KIAA1328: variants seen among roughly 807,000 people sequenced by gnomAD.
KIAA1328 encodes protein hinderin.
KIAA1328 carries 52 observed loss-of-function variants against 68.1 expected under a neutral mutation model. That is an observed-to-expected ratio of 0.76 (90% CI 0.61 to 0.96). KIAA1328 has a LOEUF of 0.96. Ranked by LOEUF, KIAA1328 falls within the 40% of genes least tolerant of loss-of-function variation. The probability of loss-of-function intolerance (pLI) is 0.00; values close to 1 mark genes in which losing one functional copy is unlikely to be tolerated. For synonymous variants in KIAA1328, 232 were observed against 239.4 expected (o/e 0.97, Z 0.28); for missense variants, 641 against 677.6 (o/e 0.95, Z 0.60).
Position 37,223,173 on chromosome 18 carries a change from C to G in KIAA1328, c.*946C>G. ...AGCTGATGGGCTTCCTCTGGCCCTC[C>G]CTTTTCCTCCACGAGGATTAAAGGA... On this transcript the variant is annotated 3_prime_UTR_variant, in exon 10 of 10. Transcript: ENST00000280020. 1.0e-6 allele frequency: 1 copy of G among 984,856 alleles called. No individual in the cohort carries two copies. The allele number at this position is 984,856 out of a possible 1,614,324, so 61.0% of individuals were successfully genotyped here.
chr18:37,134,773 G>T (rs187847406), intron 7 of KIAA1328, among the ~76,000 whole-genome samples: 7 of 152,256 alleles, frequency 4.6e-5, no homozygotes. Context: ...ATCTTGTGAT[G>T]CTGAGGTTTG....
intron 9 of KIAA1328, among the ~76,000 whole-genome samples, chr18:37,200,742 C>T (rs1367647280): frequency 1.3e-5 from 2 of 148,154 alleles, no homozygotes; most frequent in Non-Finnish European, 1.5e-5. Context: ...ACCCGGGAAG[C>T]GGAGCTTGCA....
intron 7 of KIAA1328, among the ~76,000 whole-genome samples, chr18:37,117,644 T>TA (rs909165653): frequency 5.9e-5 from 9 of 151,396 alleles, no homozygotes; most frequent in Admixed American, 2.6e-4. Flanking sequence ...AAGTATTATT[T>TA]AAAAAAAAAT....
intron 6 of KIAA1328, among the ~76,000 whole-genome samples, chr18:37,015,675 T>C (rs527901906): frequency 1.1e-4 from 16 of 152,324 alleles, no homozygotes; most frequent in African/African-American, 3.8e-4. Context: ...GTGATTTCTT[T>C]CTGCAGTGTT....
intron 1 of KIAA1328, among the ~76,000 whole-genome samples, chr18:36,830,334 G>T (rs556567954): frequency 6.6e-6 from 1 of 152,338 alleles, no homozygotes; most frequent in Non-Finnish European, 1.5e-5. Context: ...ATGAAATCAT[G>T]TACATACACT....
chr18:36,845,017 T>A (rs2046980614), intron 4 of KIAA1328, among the ~76,000 whole-genome samples: 3 of 151,830 alleles, frequency 2.0e-5, no homozygotes, highest in South Asian at 4.1e-4. Context: ...ATATTAGGTA[T>A]GTTTTGAACA....
chr18:36,984,624 CTG>C (rs2052833463), intron 6 of KIAA1328, among the ~76,000 whole-genome samples: 2 of 152,064 alleles, frequency 1.3e-5, no homozygotes, highest in Non-Finnish European at 2.9e-5. Context: ...AATAAAAAGA[CTG>C]AGAGTGGTGG....
intron 5 of KIAA1328, among the ~76,000 whole-genome samples, chr18:36,896,175 T>C (rs2048861673): frequency 6.6e-6 from 1 of 152,138 alleles, no homozygotes; most frequent in Non-Finnish European, 1.5e-5. Flanking sequence ...TTTTCAGATA[T>C]CGTTCTCTGA....
At chr18:36,972,335 C>A (rs994709944) in intron 6 of KIAA1328, among the ~76,000 whole-genome samples, 2 of 152,146 alleles carry the variant, frequency 1.3e-5, no homozygotes, top group Non-Finnish European at 2.9e-5. Context: ...TTCTCAGCAC[C>A]AGTTTTTTTC....
At chr18:37,099,418 G>A (rs2057526289) in intron 7 of KIAA1328, among the ~76,000 whole-genome samples, 2 of 152,334 alleles carry the variant, frequency 1.3e-5, no homozygotes, top group South Asian at 4.1e-4. Flanking sequence ...GTTCTAGTTT[G>A]ATTGCACTGT....
intron 5 of KIAA1328, among the ~76,000 whole-genome samples, chr18:36,941,867 T>C (rs931040627): frequency 1.3e-5 from 2 of 151,958 alleles, no homozygotes; most frequent in African/African-American, 4.8e-5. Context: ...AGGAAGCTTA[T>C]GGGAAAAATA....
Position 36,909,709 on chromosome 18 carries a change from C to T in KIAA1328, c.448+24037C>T, listed in dbSNP as rs562063896. 1.3e-3 allele frequency among the ~76,000 whole-genome samples: 195 copies of T among 152,320 alleles called. 1 individual carries two copies. Among genetic ancestry groups the T allele is most frequent in the Admixed American group, 2.4e-3 (37 of 15,294 alleles). Reference sequence around the variant, plus strand: ...GTTCTAGATCCTTGAGGAATCGCCACACTGTGTTCCACAATGGTTGAACCA... The same window carrying T: ...GTTCTAGATCCTTGAGGAATCGCCATACTGTGTTCCACAATGGTTGAACCA... On this transcript the variant is annotated intron_variant, in intron 5 of 9. Coordinates refer to ENST00000280020, the MANE Select transcript of KIAA1328 (RefSeq NM_020776.3).
At chr18:36,911,045 C>A (rs902908720) in intron 5 of KIAA1328, among the ~76,000 whole-genome samples, 16 of 152,132 alleles carry the variant, frequency 1.1e-4, no homozygotes, top group African/African-American at 3.9e-4. Context: ...GCTTTCCTGA[C>A]TGACGACCCA....
At chr18:37,122,971 A>G (rs1403931752) in intron 7 of KIAA1328, among the ~76,000 whole-genome samples, 1 of 152,200 alleles carries the variant, frequency 6.6e-6, no homozygotes, top group Non-Finnish European at 1.5e-5. Flanking sequence ...AATGTATGTT[A>G]TAAGACAGTG....
At chr18:37,145,670 A>G (rs996280746) in intron 7 of KIAA1328, among the ~76,000 whole-genome samples, 3 of 152,112 alleles carry the variant, frequency 2.0e-5, no homozygotes, top group African/African-American at 4.8e-5. Context: ...TATTATGTCT[A>G]CCTGATTATT....
rs760427028 is a variant in KIAA1328, at chr18:36,959,373, C to G, written c.514C>G (p.Gln172Glu). 4.4e-6 allele frequency: 7 copies of G among 1,608,602 alleles called. No individual in the cohort carries two copies. The highest frequency in any genetic ancestry group is 5.9e-6 in the Non-Finnish European group (7 of 1,177,516). Residue 172 changes from glutamine (Q) to glutamate (E), a missense_variant, in exon 6 of 10, where the codon CAA becomes GAA. Coordinates refer to ENST00000280020, the MANE Select transcript of KIAA1328 (RefSeq NM_020776.3). Reference protein sequence around the residue: ...LSLYQKYLSEQQEKLTMSLSE... With the variant: ...LSLYQKYLSEEQEKLTMSLSE... ...CCTGTATCAGAAATATTTATCAGAACAACAGGAGAAGCTCACCATGTCTCT... is the reference window on the plus strand; with the variant it reads ...CCTGTATCAGAAATATTTATCAGAAGAACAGGAGAAGCTCACCATGTCTCT...
intron 9 of KIAA1328, among the ~76,000 whole-genome samples, chr18:37,218,711 G>A (rs900412732): frequency 1.8e-4 from 28 of 152,072 alleles, no homozygotes; most frequent in Non-Finnish European, 2.8e-4. Flanking sequence ...TTAGCCATTC[G>A]TCTAATCTTT....
At chr18:37,121,005 A>G (rs939777521) in intron 7 of KIAA1328, among the ~76,000 whole-genome samples, 4 of 152,164 alleles carry the variant, frequency 2.6e-5, no homozygotes, top group African/African-American at 9.6e-5. Context: ...AAGAGAGGAA[A>G]GACAAACTCT....
At chr18:37,084,693 A>G (rs1257996229) in intron 7 of KIAA1328, among the ~76,000 whole-genome samples, 1 of 152,148 alleles carries the variant, frequency 6.6e-6, no homozygotes, top group East Asian at 1.9e-4. Flanking sequence ...GGGTTTTGCT[A>G]TTATAAATTT....
Sources: allele counts gnomAD v4.1 joint callset (sites outside exome capture counted in the v4.1 genomes callset), GRCh38; gene constraint gnomAD v4.1.1; transcripts MANE v1.5; gene names NCBI Gene and HGNC (gene_info 2026-07-23, HGNC 2026-07-21).